LHFPL3: variants seen among roughly 807,000 people sequenced by gnomAD.
LHFPL3 encodes LHFPL tetraspan subfamily member 3.
A neutral mutation model predicts 19.3 loss-of-function variants in LHFPL3; 5 were observed. That is an observed-to-expected ratio of 0.26 (90% CI 0.14 to 0.54). The LOEUF (loss-of-function observed/expected upper bound fraction) is 0.54. Among genes scored for constraint, LHFPL3 ranks in the 20% least tolerant of loss-of-function variants. The pLI is 0.94. For missense variants in LHFPL3, 249 were observed against 307.4 expected (o/e 0.81, Z 1.42); for synonymous variants, 133 against 126.2 (o/e 1.05, Z -0.36).
intron 1 of LHFPL3, among the ~76,000 whole-genome samples, chr7:104,429,426 G>C (rs1417899273): frequency 6.8e-6 from 1 of 147,814 alleles, no homozygotes; most frequent in East Asian, 2.0e-4. Flanking sequence ...TCCTGTCTCA[G>C]CCTCCCAAGT....
chr7:104,733,686 CTG>C (rs1311400714), intron 1 of LHFPL3, among the ~76,000 whole-genome samples: 1 of 152,160 alleles, frequency 6.6e-6, no homozygotes, highest in African/African-American at 2.4e-5. Context: ...ATTTGCCAGT[CTG>C]TGTCTTTTAA....
chr7:104,648,174 G>C (rs1293849040), intron 1 of LHFPL3, among the ~76,000 whole-genome samples: 3 of 152,124 alleles, frequency 2.0e-5, no homozygotes, highest in Non-Finnish European at 4.4e-5. Flanking sequence ...CCTCTCTTAC[G>C]TAGGAAGCCA....
chr7:104,377,234 G>A lies in LHFPL3; in HGVS notation c.445+48010G>A, dbSNP rs117477247. On this transcript the variant is annotated intron_variant, in intron 1 of 2. Coordinates refer to ENST00000424859, the MANE Select transcript of LHFPL3 (RefSeq NM_199000.3). The stretch of plus-strand genomic sequence containing the variant: ...CATTTGCCATCCTCACAGGTGCCTG[G>A]TTTAAACCATCCCTAGGAAAGGTGA... 5.3e-3 allele frequency among the ~76,000 whole-genome samples: 801 copies of A among 152,286 alleles called. 5 individuals carry two copies. Among genetic ancestry groups the A allele is most frequent in the Middle Eastern group, 0.01 (3 of 294 alleles).
intron 2 of LHFPL3, among the ~76,000 whole-genome samples, chr7:104,824,879 T>C (rs1790787077): frequency 7.4e-6 from 1 of 135,074 alleles, no homozygotes; most frequent in Admixed American, 9.1e-5. Flanking sequence ...CTAATAATTA[T>C]ATATATTATA....
chr7:104,410,449 C>T (rs1791515639), intron 1 of LHFPL3, among the ~76,000 whole-genome samples: 1 of 152,118 alleles, frequency 6.6e-6, no homozygotes, highest in East Asian at 1.9e-4. Context: ...TCTGTTTTAC[C>T]CATTGAAGAA....
At chr7:104,827,477 T>A (rs778998274) in intron 2 of LHFPL3, among the ~76,000 whole-genome samples, 43 of 151,922 alleles carry the variant, frequency 2.8e-4, no homozygotes, top group Non-Finnish European at 3.8e-4. Context: ...TTATTTTGAT[T>A]TCCTAGTTCA....
chr7:104,669,255 T>C, intron 1 of LHFPL3: 4 of 1,613,806 alleles, frequency 2.5e-6, no homozygotes, highest in Non-Finnish European at 3.4e-6. Flanking sequence ...AGCAATCCCC[T>C]ACAAGTGGTG....
intron 2 of LHFPL3, among the ~76,000 whole-genome samples, chr7:104,786,738 GAAAA>G (rs915490741): frequency 7.5e-6 from 1 of 133,650 alleles, no homozygotes; most frequent in East Asian, 2.4e-4. Flanking sequence ...TATAAAACTT[GAAAA>G]AAAGATTTAT....
At chr7:104,425,009 G>C (rs1413210650) in intron 1 of LHFPL3, among the ~76,000 whole-genome samples, 1 of 106,034 alleles carries the variant, frequency 9.4e-6, no homozygotes, top group African/African-American at 4.6e-5. Flanking sequence ...AAAAAAAGAA[G>C]TATCTGACTC....
intron 2 of LHFPL3, among the ~76,000 whole-genome samples, chr7:104,762,812 C>A (rs10953449): frequency 2.0e-5 from 3 of 152,038 alleles, no homozygotes; most frequent in South Asian, 2.1e-4. Flanking sequence ...CATAAAGGCC[C>A]TCGCTAATAA....
chr7:104,650,759 C>T (rs937972503), intron 1 of LHFPL3, among the ~76,000 whole-genome samples: 14 of 152,100 alleles, frequency 9.2e-5, no homozygotes, highest in South Asian at 2.1e-4. Context: ...GAATGCTGTC[C>T]TAGGCACTGT....
intron 2 of LHFPL3, among the ~76,000 whole-genome samples, chr7:104,824,329 A>G (rs1584556177): frequency 2.6e-5 from 1 of 38,422 alleles, no homozygotes; most frequent in African/African-American, 1.1e-4. Flanking sequence ...ATTATTTTAT[A>G]TATAATATAT....
intron 1 of LHFPL3, among the ~76,000 whole-genome samples, chr7:104,596,598 A>G (rs1790865977): frequency 6.6e-6 from 1 of 152,218 alleles, no homozygotes; most frequent in Non-Finnish European, 1.5e-5. Flanking sequence ...GTGTTTCAAG[A>G]TGTGTTAAAA....
intron 1 of LHFPL3, among the ~76,000 whole-genome samples, chr7:104,687,240 A>G (rs994557079): frequency 6.6e-6 from 1 of 152,232 alleles, no homozygotes; most frequent in African/African-American, 2.4e-5. Flanking sequence ...GAATAGCAAG[A>G]TGGAAGAGAT....
chr7:104,561,968 C>T (rs1236416164), intron 1 of LHFPL3, among the ~76,000 whole-genome samples: 1 of 152,076 alleles, frequency 6.6e-6, no homozygotes, highest in Non-Finnish European at 1.5e-5. Context: ...ATATGAAATT[C>T]TGGGTTGAAA....
chr7:104,394,967 G>A (rs1791153368), intron 1 of LHFPL3, among the ~76,000 whole-genome samples: 1 of 151,912 alleles, frequency 6.6e-6, no homozygotes, highest in Admixed American at 6.6e-5. Flanking sequence ...CCAAACTGCT[G>A]GGATTAAAGG....
At position 104,885,141 on chromosome 7, in the gene LHFPL3, C is replaced by T. The variant is rs188080643; in HGVS notation, c.683-21046C>T. On this transcript the variant is annotated intron_variant, in intron 2 of 2. Coordinates refer to ENST00000424859, the MANE Select transcript of LHFPL3 (RefSeq NM_199000.3). ...ACCCCAGAGATCACAACTGAGACTTCGATTTTATTTGCTATTTAGGTAATT... is the reference window on the plus strand; with the variant it reads ...ACCCCAGAGATCACAACTGAGACTTTGATTTTATTTGCTATTTAGGTAATT... Among the ~76,000 whole-genome samples, 247 of 152,270 alleles carry T rather than the reference C, an allele frequency of 1.6e-3. 2 individuals are homozygous for T. Among genetic ancestry groups the T allele is most frequent in the African/African-American group, 5.7e-3 (237 of 41,564 alleles).
intron 1 of LHFPL3, among the ~76,000 whole-genome samples, chr7:104,658,900 C>T (rs1252426741): frequency 1.3e-5 from 2 of 152,192 alleles, no homozygotes; most frequent in Non-Finnish European, 2.9e-5. Flanking sequence ...AATTATGACA[C>T]AGATGATTTC....
chr7:104,412,948 C>T (rs949491759), intron 1 of LHFPL3, among the ~76,000 whole-genome samples: 1 of 152,208 alleles, frequency 6.6e-6, no homozygotes, highest in Non-Finnish European at 1.5e-5. Context: ...GAAATTTGAA[C>T]CAGTCACCTG....
Sources: gnomAD v4.1 joint callset for allele counts (sites outside exome capture counted in the v4.1 genomes callset) on GRCh38, gnomAD v4.1.1 for gene constraint, MANE v1.5 for transcripts, NCBI Gene and HGNC (gene_info 2026-07-23, HGNC 2026-07-21) for gene names.